SPATA31G1: variants seen among roughly 807,000 people sequenced by gnomAD.
SPATA31G1 encodes the protein SPATA31 subfamily G member 1.
At chr9:35,042,576 A>G in the SPATA31G1 span, 30 of 1,582,432 alleles carry the variant, frequency 1.9e-5, no homozygotes, top group Non-Finnish European at 2.6e-5. Flanking sequence ...GTGAGTGACT[A>G]TAAGCCCTAG....
the SPATA31G1 span, chr9:35,045,132 C>T: frequency 1.2e-6 from 2 of 1,613,952 alleles, no homozygotes; most frequent in African/African-American, 1.3e-5. Context: ...GCAGATTTAT[C>T]CCCCCAATCC....
chr9:35,044,605 A>G, the SPATA31G1 span: 1 of 1,614,176 alleles, frequency 6.2e-7, no homozygotes, highest in South Asian at 1.1e-5. Context: ...CACGTAAGTG[A>G]GCCTATCGCA....
the SPATA31G1 span, chr9:35,042,290 G>C: frequency 6.2e-7 from 1 of 1,614,206 alleles, no homozygotes; most frequent in South Asian, 1.1e-5. Flanking sequence ...TTGGGGCTAA[G>C]GGGGATATGG....
chr9:35,044,856 C>T, the SPATA31G1 span: 42 of 1,613,900 alleles, frequency 2.6e-5, no homozygotes, highest in South Asian at 1.8e-4. Context: ...GAAGATTGAA[C>T]GCACTCATCC....
chr9:35,044,858 C>T, the SPATA31G1 span: 2 of 1,614,074 alleles, frequency 1.2e-6, no homozygotes, highest in East Asian at 4.5e-5. Context: ...AGATTGAACG[C>T]ACTCATCCTG....
the SPATA31G1 span, chr9:35,043,117 C>T: frequency 6.2e-7 from 1 of 1,614,202 alleles, no homozygotes; most frequent in Non-Finnish European, 8.5e-7. Context: ...CCCGTGAGCC[C>T]TTCCAGATCC....
At chr9:35,044,144 G>T in the SPATA31G1 span, 1 of 1,614,142 alleles carries the variant, frequency 6.2e-7, no homozygotes, top group Non-Finnish European at 8.5e-7. Flanking sequence ...GGCAGAAAGA[G>T]AACCTCTGGG....
chr9:35,044,554 G>A, the SPATA31G1 span: 1 of 1,614,114 alleles, frequency 6.2e-7, no homozygotes, highest in East Asian at 2.2e-5. Flanking sequence ...GTGTTCCCAG[G>A]TAGGGGCTCC....
chr9:35,042,950 G>C, the SPATA31G1 span: 390 of 1,614,180 alleles, frequency 2.4e-4, 6 homozygotes, highest in South Asian at 3.5e-3. Context: ...AAGAGGAAGA[G>C]GGGGAAGACG....
chr9:35,045,575 G>A, the SPATA31G1 span: 63 of 1,614,066 alleles, frequency 3.9e-5, no homozygotes, highest in Non-Finnish European at 4.7e-5. Context: ...GCCTAGTAGA[G>A]GCCCCTGTAA....
the SPATA31G1 span, chr9:35,044,384 A>G: frequency 2.5e-6 from 4 of 1,614,016 alleles, no homozygotes; most frequent in South Asian, 4.4e-5. Context: ...CTGATTCTGA[A>G]GCTAGATGTG....
chr9:35,042,769 A>C, the SPATA31G1 span: 1 of 1,500,168 alleles, frequency 6.7e-7, no homozygotes, highest in Non-Finnish European at 9.0e-7. Flanking sequence ...GTAACTGTCC[A>C]CTCTGGATAT....
the SPATA31G1 span, chr9:35,044,623 G>C: frequency 1.9e-6 from 3 of 1,614,128 alleles, no homozygotes; most frequent in Non-Finnish European, 2.5e-6. Flanking sequence ...GCAGACCAAA[G>C]CAACTATAAG....
chr9:35,045,703 C>T, the SPATA31G1 span: 1 of 1,614,240 alleles, frequency 6.2e-7, no homozygotes, highest in Non-Finnish European at 8.5e-7. Context: ...GGGCGAAGAG[C>T]AAGTGACATC....
chr9:35,045,183 C>T, the SPATA31G1 span: 84 of 1,614,102 alleles, frequency 5.2e-5, no homozygotes, highest in East Asian at 1.3e-4. Context: ...AGAAGTTCAG[C>T]GCACAGTACC....
chr9:35,043,569 C>T, the SPATA31G1 span: 2 of 1,614,162 alleles, frequency 1.2e-6, no homozygotes, highest in East Asian at 4.5e-5. Flanking sequence ...AACTAGCCCC[C>T]TGGAAGTTCT....
chr9:35,043,327 T>C, the SPATA31G1 span: 1 of 1,614,188 alleles, frequency 6.2e-7, no homozygotes, highest in Non-Finnish European at 8.5e-7. Context: ...TTCAACAAGC[T>C]TGCCTTCCTA....
the SPATA31G1 span, chr9:35,043,282 C>G: frequency 1.9e-6 from 3 of 1,614,192 alleles, no homozygotes; most frequent in African/African-American, 2.7e-5. Context: ...GGTGGCCCCT[C>G]TCCTCTGAAG....
At chr9:35,045,965 T>TTCAGCTAGTTTATTAG in the SPATA31G1 span, 1 of 1,402,468 alleles carries the variant, frequency 7.1e-7, no homozygotes, top group Non-Finnish European at 9.6e-7. Context: ...GAAATTCTAA[T>TTCAGCTAGTTTATTAG]AAACTAGCTG....
Sources: gnomAD v4.1 joint callset for allele counts on GRCh38, gnomAD v4.1.1 for gene constraint, MANE v1.5 for transcripts, NCBI Gene and HGNC (gene_info 2026-07-23, HGNC 2026-07-21) for gene names.